Variants in SLC10A7 observed in about 807,000 individuals in gnomAD.
The protein encoded by SLC10A7 is sodium/bile acid cotransporter 7.
A neutral mutation model predicts 43.2 loss-of-function variants in SLC10A7; 29 were observed. That is an observed-to-expected ratio of 0.67 (90% CI 0.50 to 0.92). SLC10A7 has a LOEUF of 0.92. SLC10A7 is among the 40% of genes least tolerant of loss of function. The probability of loss-of-function intolerance (pLI) is 0.00; values close to 1 mark genes in which losing one functional copy is unlikely to be tolerated. For missense variants in SLC10A7, 295 were observed against 403.2 expected (o/e 0.73, Z 2.30); for synonymous variants, 152 against 144.8 (o/e 1.05, Z -0.35).
At chr4:146,421,798 G>A (rs1042702632) in intron 5 of SLC10A7, among the ~76,000 whole-genome samples, 2 of 152,248 alleles carry the variant, frequency 1.3e-5, no homozygotes, top group East Asian at 3.9e-4. Context: ...TCCTCTCTCA[G>A]GTTGACCTTC....
chr4:146,293,908 G>C, intron 8 of SLC10A7, 22 bp downstream of exon 8: 1 of 1,590,660 alleles, frequency 6.3e-7, no homozygotes, highest in Admixed American at 1.7e-5. Flanking sequence ...GGATAGCCAG[G>C]CTATCCCATT....
intron 5 of SLC10A7, among the ~76,000 whole-genome samples, chr4:146,336,786 G>T (rs937979813): frequency 4.6e-5 from 7 of 152,046 alleles, no homozygotes; most frequent in Non-Finnish European, 1.0e-4. Flanking sequence ...GACAGAATGT[G>T]TGGGGTTTAG....
chr4:146,456,526 T>C (rs1177520026), intron 4 of SLC10A7, among the ~76,000 whole-genome samples: 3 of 151,936 alleles, frequency 2.0e-5, no homozygotes, highest in African/African-American at 7.2e-5. Context: ...AATGTCCTCC[T>C]TAGGTTCACT....
At chr4:146,417,981 C>A (rs1330221083) in intron 5 of SLC10A7, among the ~76,000 whole-genome samples, 1 of 150,504 alleles carries the variant, frequency 6.6e-6, no homozygotes, top group Non-Finnish European at 1.5e-5. Flanking sequence ...CCTGTGAGTT[C>A]TGAACAGACA....
In SLC10A7 at chr4:146,332,666, T is replaced by C. The variant is rs78521054; in HGVS notation, c.436-6670A>G. ...GCTTCCTGTATAGCCTGCAGAACCA[T>C]AAGCCAATTAAGCCTCTTTTCTTTA... is the stretch of plus-strand genomic sequence containing the variant. On this transcript the variant is annotated intron_variant, in intron 5 of 11. Coordinates refer to ENST00000335472, the MANE Select transcript of SLC10A7 (RefSeq NM_001029998.6). Among the ~76,000 whole-genome samples, 310 of 152,270 alleles carry C rather than the reference T, an allele frequency of 2.0e-3. 1 individual carries two copies. In the East Asian group the frequency reaches 0.02, roughly 10 times the overall value.
chr4:146,443,916 C>T (rs916803651), intron 4 of SLC10A7, among the ~76,000 whole-genome samples: 3 of 152,160 alleles, frequency 2.0e-5, no homozygotes, highest in Non-Finnish European at 4.4e-5. Flanking sequence ...AAAGATGGCA[C>T]CGGACCACAG....
intron 5 of SLC10A7, among the ~76,000 whole-genome samples, chr4:146,405,880 C>T (rs1215260985): frequency 6.6e-6 from 1 of 152,002 alleles, no homozygotes; most frequent in African/African-American, 2.4e-5. Flanking sequence ...TTGCTCATCC[C>T]ATAGAATGTA....
intron 6 of SLC10A7, among the ~76,000 whole-genome samples, chr4:146,313,055 G>T (rs1223839247): frequency 6.6e-6 from 1 of 152,140 alleles, no homozygotes; most frequent in African/African-American, 2.4e-5. Flanking sequence ...ACCTGCTATT[G>T]CTAAATATTC....
rs187740338 is a variant in SLC10A7, at chr4:146,344,008, G to A, written c.436-18012C>T. 5.9e-5 allele frequency among the ~76,000 whole-genome samples: 9 copies of A among 152,036 alleles called. No individual in the cohort carries two copies. The East Asian group carries it at 9.7e-4, about 16-fold the overall frequency. On this transcript the variant is annotated intron_variant, in intron 5 of 11. Transcript: ENST00000335472. ...ATGTTTTTAGCTGCCCTCAGAAAGC[G>A]TTTGTGTGCTACATAAGAAAATAAG... is the stretch of plus-strand genomic sequence containing the variant.
intron 4 of SLC10A7, among the ~76,000 whole-genome samples, chr4:146,479,631 C>T (rs938831964): frequency 1.3e-4 from 20 of 151,846 alleles, no homozygotes; most frequent in African/African-American, 4.8e-4. Flanking sequence ...GTATGGAGAC[C>T]AGTTGTTTAA....
At chr4:146,298,154 G>T (rs1473855073) in intron 7 of SLC10A7, among the ~76,000 whole-genome samples, 1 of 152,150 alleles carries the variant, frequency 6.6e-6, no homozygotes, top group Non-Finnish European at 1.5e-5. Context: ...CTTTCCGTGT[G>T]CCTCATCTGT....
chr4:146,383,987 G>A (rs1317675941), intron 5 of SLC10A7, among the ~76,000 whole-genome samples: 1 of 152,040 alleles, frequency 6.6e-6, no homozygotes, highest in Admixed American at 6.6e-5. Context: ...GTAATTTAGG[G>A]GAAGTCGTTT....
chr4:146,463,988 A>C lies in SLC10A7; in HGVS notation c.397-21167T>G, dbSNP rs578097152. On this transcript the variant is annotated intron_variant, in intron 4 of 11. Transcript: ENST00000335472. ...CAGGTATGTGCCACCATACCTAGCT[A>C]ATTTTTTTTTATACTTTTGAGAGAT... Among the ~76,000 whole-genome samples, 8 of 151,892 alleles carry C rather than the reference A, an allele frequency of 5.3e-5. No individual in the cohort carries two copies. The East Asian group carries it at 1.6e-3, about 30-fold the overall frequency.
At chr4:146,391,963 T>C (rs891474818) in intron 5 of SLC10A7, among the ~76,000 whole-genome samples, 2 of 152,198 alleles carry the variant, frequency 1.3e-5, no homozygotes, top group Admixed American at 6.5e-5. Context: ...ATAAAAGAGA[T>C]AAAGTTTGCC....
At chr4:146,300,887 AC>A (rs1189063763) in intron 7 of SLC10A7, among the ~76,000 whole-genome samples, 1 of 152,176 alleles carries the variant, frequency 6.6e-6, no homozygotes, top group Non-Finnish European at 1.5e-5. Flanking sequence ...ACAAATGGCA[AC>A]CTAGGGAAAA....
chr4:146,273,075 T>C lies in SLC10A7; in HGVS notation c.847+10117A>G, dbSNP rs1446418542. 2.6e-5 allele frequency among the ~76,000 whole-genome samples: 4 copies of C among 152,302 alleles called. No individual in the cohort carries two copies. The East Asian group carries it at 5.8e-4, about 22-fold the overall frequency. ...CTCTATTATAAGGTATTTTTTAGTT[T>C]GAAATTAATAGGAAACTATGGAATT... On this transcript the variant is annotated intron_variant, in intron 10 of 11. Transcript: ENST00000335472.
chr4:146,311,098 C>CA (rs1731947309), intron 6 of SLC10A7, among the ~76,000 whole-genome samples: 1 of 152,044 alleles, frequency 6.6e-6, no homozygotes, highest in African/African-American at 2.4e-5. Flanking sequence ...GAAGTTAGTT[C>CA]AATACACACA....
chr4:146,513,602 GGTACA>G (rs1441799252), intron 2 of SLC10A7, among the ~76,000 whole-genome samples: 1 of 152,150 alleles, frequency 6.6e-6, no homozygotes, highest in African/African-American at 2.4e-5. Flanking sequence ...TCAGAATGAT[GGTACA>G]GTAAAGAACC....
intron 5 of SLC10A7, among the ~76,000 whole-genome samples, chr4:146,332,117 C>T (rs1733579657): frequency 6.6e-6 from 1 of 152,158 alleles, no homozygotes; most frequent in Non-Finnish European, 1.5e-5. Flanking sequence ...TCTGACTATA[C>T]TTTCCCCTTT....
Sources: allele counts gnomAD v4.1 joint callset (sites outside exome capture counted in the v4.1 genomes callset), GRCh38; gene constraint gnomAD v4.1.1; transcripts MANE v1.5; gene names NCBI Gene and HGNC (gene_info 2026-07-23, HGNC 2026-07-21).